Variants in RBM33 observed in about 807,000 individuals in gnomAD.
The protein encoded by RBM33 is RNA-binding protein 33.
In RBM33, 28 loss-of-function variants were observed where a neutral mutation model predicts 132.6. The observed-to-expected ratio is 0.21, with a 90% CI of 0.16 to 0.29. RBM33 has a LOEUF of 0.29. Ranked by LOEUF, RBM33 falls within the 10% of genes least tolerant of loss-of-function variation. RBM33 has a pLI of 1.00. For missense variants in RBM33, 1,291 were observed against 1,518.5 expected (o/e 0.85, Z 2.49); for synonymous variants, 634 against 593.0 (o/e 1.07, Z -1.01).
chr7:155,723,341 G>C (rs1193364704), intron 9 of RBM33, among the ~76,000 whole-genome samples: 2 of 152,184 alleles, frequency 1.3e-5, no homozygotes, highest in Non-Finnish European at 2.9e-5. Flanking sequence ...TTAAGCTATG[G>C]AAGGAATGAT....
In RBM33 at chr7:155,662,943, G is replaced by A. The variant is rs571754286; in HGVS notation, c.44-2232G>A. 2.0e-5 allele frequency among the ~76,000 whole-genome samples: 3 copies of A among 152,248 alleles called. No individual in the cohort carries two copies. The South Asian group carries it at 6.2e-4, about 32-fold the overall frequency. On this transcript the variant is annotated intron_variant, in intron 1 of 17. Coordinates refer to ENST00000401878, the MANE Select transcript of RBM33 (RefSeq NM_053043.3). Reference sequence around the variant, plus strand: ...TTACTGAGTTTCAAGGATGAAGAGGGGTGGGTCCTGGTTTAAAACCCATTA... The same window carrying A: ...TTACTGAGTTTCAAGGATGAAGAGGAGTGGGTCCTGGTTTAAAACCCATTA...
intron 5 of RBM33, among the ~76,000 whole-genome samples, chr7:155,686,127 A>G (rs898861238): frequency 4.6e-5 from 7 of 152,246 alleles, no homozygotes; most frequent in Non-Finnish European, 1.0e-4. Context: ...AAAGGACAGA[A>G]TAATACAAAG....
At chr7:155,750,959 T>G (rs1404022797) in intron 14 of RBM33, among the ~76,000 whole-genome samples, 1 of 152,194 alleles carries the variant, frequency 6.6e-6, no homozygotes, top group Non-Finnish European at 1.5e-5. Context: ...ATTTTATTTT[T>G]AAAAGGCTGT....
At chr7:155,660,016 A>T (rs1201280928) in intron 1 of RBM33, among the ~76,000 whole-genome samples, 1 of 152,220 alleles carries the variant, frequency 6.6e-6, no homozygotes, top group African/African-American at 2.4e-5. Context: ...CATTGAATTT[A>T]GTGCCCTCTT....
At chr7:155,706,679 C>A (rs2116968726) in intron 6 of RBM33, 181 bp from the exon 7 acceptor site, 1 of 580,928 alleles carries the variant, frequency 1.7e-6, no homozygotes, top group East Asian at 2.8e-5. Context: ...TCAGATCTCA[C>A]TAGTGGGTTG....
chr7:155,747,899 A>G (rs184618547), intron 14 of RBM33, among the ~76,000 whole-genome samples: 69 of 152,360 alleles, frequency 4.5e-4, no homozygotes, highest in South Asian at 4.1e-4. Flanking sequence ...TTGAGAGAAC[A>G]TATTCCTAAT....
chr7:155,730,185 T>G (rs1563164459), intron 9 of RBM33, among the ~76,000 whole-genome samples: 2 of 152,170 alleles, frequency 1.3e-5, no homozygotes, highest in Non-Finnish European at 2.9e-5. Context: ...GACCCGGCAG[T>G]TGAAGGGCAG....
intron 1 of RBM33, among the ~76,000 whole-genome samples, chr7:155,660,552 G>A (rs1798612492): frequency 6.6e-6 from 1 of 152,206 alleles, no homozygotes; most frequent in Admixed American, 6.5e-5. Context: ...GACTCTTTGA[G>A]CACTTTGAAT....
At position 155,654,936 on chromosome 7, in the gene RBM33, CAG is replaced by C. The variant is rs1798452101; in HGVS notation, c.43+10021_43+10022del. Among the ~76,000 whole-genome samples, 3 of 152,066 alleles carry C rather than the reference CAG, an allele frequency of 2.0e-5. No homozygotes were observed. In the South Asian group the frequency reaches 6.2e-4, roughly 31 times the overall value. ...CTCCTAGTTTTACAATTGTTTTTAT[CAG>C]AGAAATTTGGGATGATTGTAATATC... is the stretch of plus-strand genomic sequence containing the variant. On this transcript the variant is annotated intron_variant, in intron 1 of 17. Coordinates refer to ENST00000401878, the MANE Select transcript of RBM33 (RefSeq NM_053043.3).
At chr7:155,658,893 A>G (rs1798566158) in intron 1 of RBM33, among the ~76,000 whole-genome samples, 1 of 152,078 alleles carries the variant, frequency 6.6e-6, no homozygotes, top group Non-Finnish European at 1.5e-5. Flanking sequence ...TCTCTCTGTT[A>G]TTTTCATCCC....
chr7:155,706,007 T>C (rs1800101218), intron 6 of RBM33, among the ~76,000 whole-genome samples: 1 of 152,242 alleles, frequency 6.6e-6, no homozygotes, highest in Admixed American at 6.5e-5. Context: ...TTTTTATTCT[T>C]TATGAAATCA....
intron 14 of RBM33, among the ~76,000 whole-genome samples, chr7:155,760,559 T>G (rs1802000802): frequency 6.6e-6 from 1 of 152,242 alleles, no homozygotes; most frequent in Admixed American, 6.5e-5. Flanking sequence ...ACGTGCATAG[T>G]GAATTTATGA....
Position 155,673,951 on chromosome 7 carries a change from T to TTTTG in RBM33, c.171+1039_171+1040insGTTT, listed in dbSNP as rs1799098527. Among the ~76,000 whole-genome samples the TTTTG allele has an allele frequency of 2.8e-5, 3 of 108,608 alleles. 1 individual carries two copies. The highest frequency in any genetic ancestry group is 1.0e-4 in the African/African-American group (3 of 28,780). The allele number at this position is 108,608 out of a possible 152,430, so 71.3% of individuals were successfully genotyped here. A position where few individuals can be genotyped will look rare whatever the true frequency, so the allele number is the denominator to read the frequency against. ...ATAGTTTAGGCTTAGTTTTTTTTTT[T>TTTTG]TTTTTTTTTTTTTTTTTTTTTGAGA... On this transcript the variant is annotated intron_variant, in intron 3 of 17. Coordinates refer to ENST00000401878, the MANE Select transcript of RBM33 (RefSeq NM_053043.3).
chr7:155,774,860 G>A lies in RBM33; in HGVS notation c.3465-133G>A, dbSNP rs563926190. 3.6e-5 allele frequency: 30 copies of A among 836,908 alleles called. No homozygotes were observed. The highest frequency in any genetic ancestry group is 3.3e-4 in the East Asian group (13 of 39,200). The allele number at this position is 836,908 out of a possible 1,614,324, so 51.8% of individuals were successfully genotyped here. Reference sequence around the variant, plus strand: ...CCCTTGTGTTTTAATAGATCTTCCCGGGGAATCTGCCTTTTTATATGATGC... The same window carrying A: ...CCCTTGTGTTTTAATAGATCTTCCCAGGGAATCTGCCTTTTTATATGATGC... On this transcript the variant is annotated intron_variant, in intron 17 of 17. Transcript: ENST00000401878. The surrounding 1 kb of genome is among the most constrained non-coding windows in gnomAD (Gnocchi z 4.2).
At chr7:155,659,977 C>A (rs1798596147) in intron 1 of RBM33, among the ~76,000 whole-genome samples, 1 of 152,204 alleles carries the variant, frequency 6.6e-6, no homozygotes, top group Admixed American at 6.5e-5. Flanking sequence ...GTCCCCAAAT[C>A]TCCCTCTCCT....
intron 16 of RBM33, 138 bp downstream of exon 16, chr7:155,766,793 G>C: frequency 2.5e-6 from 2 of 798,326 alleles, no homozygotes; most frequent in South Asian, 3.2e-5. Flanking sequence ...CAAATAACCT[G>C]TTGTGCATAC....
At position 155,774,836 on chromosome 7, in the gene RBM33, C is replaced by T. The variant is rs1326334691; in HGVS notation, c.3465-157C>T. 1.3e-5 allele frequency among the ~76,000 whole-genome samples: 2 copies of T among 152,152 alleles called. No homozygotes were observed. The highest frequency in any genetic ancestry group is 2.4e-5 in the African/African-American group (1 of 41,428). On this transcript the variant is annotated intron_variant, in intron 17 of 17. Transcript: ENST00000401878. The surrounding 1 kb of genome is among the most constrained non-coding windows in gnomAD (Gnocchi z 4.2). ...TCCTTTTGTCTGGTGGAGAATTGCC[C>T]CTTGTGTTTTAATAGATCTTCCCGG...
At chr7:155,717,318 C>T (rs1243964004) in intron 8 of RBM33, among the ~76,000 whole-genome samples, 2 of 152,126 alleles carry the variant, frequency 1.3e-5, no homozygotes, top group African/African-American at 4.8e-5. Context: ...CTTGCCTTGT[C>T]GTTGGCCACC....
intron 9 of RBM33, among the ~76,000 whole-genome samples, chr7:155,720,609 G>C (rs1367787420): frequency 6.6e-6 from 1 of 152,166 alleles, no homozygotes; most frequent in African/African-American, 2.4e-5. Context: ...GCTCTGCATA[G>C]TGCTGTCTCT....
Sources: allele counts gnomAD v4.1 joint callset (sites outside exome capture counted in the v4.1 genomes callset), GRCh38; gene constraint gnomAD v4.1.1; non-coding constraint Gnocchi (gnomAD v3.1); transcripts MANE v1.5; gene names NCBI Gene and HGNC (gene_info 2026-07-23, HGNC 2026-07-21).